Variants in NUDCD3 observed in about 807,000 individuals in gnomAD.
The protein encoded by NUDCD3 is NudC domain containing 3.
NUDCD3 carries 13 observed loss-of-function variants against 39.7 expected under a neutral mutation model. The observed-to-expected ratio is 0.33, with a 90% CI of 0.21 to 0.52. The LOEUF (loss-of-function observed/expected upper bound fraction) is 0.52. NUDCD3 is among the 20% of genes least tolerant of loss of function. NUDCD3 has a pLI of 0.96. For synonymous variants in NUDCD3, 175 were observed against 172.4 expected (o/e 1.02, Z -0.12); for missense variants, 453 against 458.1 (o/e 0.99, Z 0.10).
chr7:44,402,393 T>C (rs1563166149), intron 4 of NUDCD3, among the ~76,000 whole-genome samples: 2 of 152,160 alleles, frequency 1.3e-5, no homozygotes, highest in Admixed American at 6.5e-5. Flanking sequence ...AAAAGAAACA[T>C]GGCTTTGAAA....
At chr7:44,477,926 C>T (rs376083928) in intron 2 of NUDCD3, among the ~76,000 whole-genome samples, 74 of 151,392 alleles carry the variant, frequency 4.9e-4, no homozygotes, top group Admixed American at 2.2e-3. Context: ...CTCCACCTCC[C>T]GGGTTCATGC....
intron 2 of NUDCD3, among the ~76,000 whole-genome samples, chr7:44,478,502 G>A (rs574502410): frequency 3.3e-5 from 5 of 152,246 alleles, no homozygotes; most frequent in African/African-American, 1.2e-4. Context: ...GCAGTAAGCC[G>A]AGATCATGCC....
intron 2 of NUDCD3, among the ~76,000 whole-genome samples, chr7:44,458,634 C>T (rs760344309): frequency 1.4e-5 from 2 of 147,404 alleles, no homozygotes; most frequent in Non-Finnish European, 1.5e-5. Context: ...CTCCAGCCTG[C>T]GCAACAAGAG....
intron 2 of NUDCD3, among the ~76,000 whole-genome samples, chr7:44,460,089 CAT>C (rs1483288178): frequency 1.3e-5 from 2 of 152,066 alleles, no homozygotes; most frequent in African/African-American, 2.4e-5. Context: ...TAAAATCTAA[CAT>C]AAAGAAAATC....
chr7:44,488,641 T>C (rs1334009360), intron 1 of NUDCD3, among the ~76,000 whole-genome samples: 1 of 152,224 alleles, frequency 6.6e-6, no homozygotes, highest in Non-Finnish European at 1.5e-5. Flanking sequence ...TGTCTAAAAC[T>C]GAACTTTTTC....
intron 2 of NUDCD3, among the ~76,000 whole-genome samples, chr7:44,461,177 C>A (rs775013265): frequency 1.3e-4 from 20 of 152,178 alleles, no homozygotes; most frequent in Non-Finnish European, 2.9e-4. Flanking sequence ...CGGCCCTGCA[C>A]CCATGAAGGC....
chr7:44,436,871 C>T (rs150083677), intron 2 of NUDCD3, among the ~76,000 whole-genome samples: 1 of 152,188 alleles, frequency 6.6e-6, no homozygotes, highest in East Asian at 1.9e-4. Flanking sequence ...ACTTTAAAGA[C>T]GTCTATCTGG....
chr7:44,434,218 G>A (rs1013154897), intron 2 of NUDCD3, among the ~76,000 whole-genome samples: 5 of 152,020 alleles, frequency 3.3e-5, no homozygotes, highest in African/African-American at 1.2e-4. Flanking sequence ...AAAATGACTC[G>A]ATGCCTGGAC....
chr7:44,413,542 C>T (rs1297952210), intron 3 of NUDCD3, among the ~76,000 whole-genome samples: 2 of 152,122 alleles, frequency 1.3e-5, no homozygotes, highest in Non-Finnish European at 2.9e-5. Context: ...AAAGGATAGG[C>T]ACATGTAGAA....
At chr7:44,451,412 G>A (rs944343954) in intron 2 of NUDCD3, among the ~76,000 whole-genome samples, 4 of 152,198 alleles carry the variant, frequency 2.6e-5, no homozygotes, top group South Asian at 2.1e-4. Flanking sequence ...TCTCAATGGC[G>A]ATGATGGTTG....
At chr7:44,478,924 G>A (rs1172328078) in intron 2 of NUDCD3, among the ~76,000 whole-genome samples, 1 of 152,202 alleles carries the variant, frequency 6.6e-6, no homozygotes, top group Non-Finnish European at 1.5e-5. Context: ...CCAAGATGGG[G>A]TAATTTATAA....
At chr7:44,400,856 C>T (rs773935252) in intron 4 of NUDCD3, among the ~76,000 whole-genome samples, 1 of 152,288 alleles carries the variant, frequency 6.6e-6, no homozygotes, top group South Asian at 2.1e-4. Context: ...AGGGTGATTC[C>T]ATCTTGAGAG....
intron 2 of NUDCD3, among the ~76,000 whole-genome samples, chr7:44,474,813 C>T (rs527356555): frequency 6.6e-6 from 1 of 152,300 alleles, no homozygotes; most frequent in Admixed American, 6.5e-5. Context: ...AGTCAAATCG[C>T]TTGGAGGCTT....
chr7:44,445,738 A>T (rs966917182), intron 2 of NUDCD3, among the ~76,000 whole-genome samples: 1 of 152,260 alleles, frequency 6.6e-6, no homozygotes, highest in Non-Finnish European at 1.5e-5. Flanking sequence ...GACAACTTTC[A>T]GCTGATGTAA....
At chr7:44,460,262 A>T (rs1202355632) in intron 2 of NUDCD3, among the ~76,000 whole-genome samples, 1 of 152,268 alleles carries the variant, frequency 6.6e-6, no homozygotes, top group Non-Finnish European at 1.5e-5. Context: ...GAGTTAACAA[A>T]GTAGGAAATA....
intron 3 of NUDCD3, among the ~76,000 whole-genome samples, chr7:44,426,990 T>G (rs1799248505): frequency 6.6e-6 from 1 of 152,000 alleles, no homozygotes; most frequent in South Asian, 2.1e-4. Flanking sequence ...GATGCATGGC[T>G]CATCACCATA....
chr7:44,461,470 G>A (rs1386387119), intron 2 of NUDCD3, among the ~76,000 whole-genome samples: 1 of 152,144 alleles, frequency 6.6e-6, no homozygotes, highest in South Asian at 2.1e-4. Flanking sequence ...AACAGGAAAA[G>A]GCTGTCTCCC....
At chr7:44,463,166 C>T (rs1416309833) in intron 2 of NUDCD3, among the ~76,000 whole-genome samples, 5 of 152,100 alleles carry the variant, frequency 3.3e-5, no homozygotes, top group Non-Finnish European at 5.9e-5. Flanking sequence ...AACCCTAGCC[C>T]GCTCTAGTTT....
At chr7:44,437,597 T>C (rs1799492187) in intron 2 of NUDCD3, among the ~76,000 whole-genome samples, 1 of 152,206 alleles carries the variant, frequency 6.6e-6, no homozygotes, top group Non-Finnish European at 1.5e-5. Context: ...CCACAGGGGT[T>C]GGGGCAGCCC....
Sources: allele counts gnomAD v4.1 joint callset (sites outside exome capture counted in the v4.1 genomes callset), GRCh38; gene constraint gnomAD v4.1.1; transcripts MANE v1.5; gene names NCBI Gene and HGNC (gene_info 2026-07-23, HGNC 2026-07-21).